Variants in RRBP1 observed in about 807,000 individuals in gnomAD.
RRBP1 encodes ribosome-binding protein 1.
A neutral mutation model predicts 165.2 loss-of-function variants in RRBP1; 94 were observed. The observed-to-expected ratio is 0.57, with a 90% confidence interval of 0.48 to 0.68. RRBP1 has a LOEUF of 0.68. Among genes scored for constraint, RRBP1 ranks in the 30% least tolerant of loss-of-function variants. The probability of loss-of-function intolerance (pLI) is 0.00; values close to 1 mark genes in which losing one functional copy is unlikely to be tolerated. For synonymous variants in RRBP1, 680 were observed against 714.5 expected, an observed-to-expected ratio of 0.95 and a Z score of 0.77; for missense variants, 1,676 against 1,763.0, an observed-to-expected ratio of 0.95 and a Z score of 0.88.
chr20:17,664,956 AAAT>A (rs2036840425), intron 2 of RRBP1, among the ~76,000 whole-genome samples: 2 of 152,228 alleles, frequency 1.3e-5, no homozygotes, highest in African/African-American at 4.8e-5. Context: ...CTAATTTTTA[AAAT>A]ATTATGAAAT....
intron 8 of RRBP1, among the ~76,000 whole-genome samples, chr20:17,632,526 T>G (rs987225808): frequency 6.6e-6 from 1 of 152,214 alleles, no homozygotes; most frequent in African/African-American, 2.4e-5. Flanking sequence ...TTGTCCATGT[T>G]CTCTTTTAGT....
intron 5 of RRBP1, 24 bp downstream of exon 5, chr20:17,641,773 T>C (rs767511873): frequency 1.2e-6 from 2 of 1,610,332 alleles, no homozygotes; most frequent in Non-Finnish European, 1.7e-6. Context: ...GGACAAACCA[T>C]CTCCGAGCCC....
rs995332528 is a variant in RRBP1 at position 17,681,237 on chromosome 20, CGCCGGGAGCCCT to C, written c.-99+779_-99+790del. 8.1e-5 allele frequency among the ~76,000 whole-genome samples: 12 copies of C among 148,648 alleles called. No homozygotes were observed. The East Asian group carries it at 2.2e-3, about 27-fold the overall frequency. On this transcript the variant is annotated intron_variant, in intron 1 of 24. Transcript: ENST00000377813. The stretch of plus-strand genomic sequence containing the variant: ...CGGGCCCCGGGCGCCCTCGTCCCCC[CGCCGGGAGCCCT>C]CGAGCCAGGCTCCGCGCAGCCCAGC...
At chr20:17,648,743 T>C (rs1050630723) in intron 3 of RRBP1, among the ~76,000 whole-genome samples, 14 of 152,170 alleles carry the variant, frequency 9.2e-5, no homozygotes, top group African/African-American at 3.4e-4. Context: ...TCCTCCAAAT[T>C]TCAACAAAAC....
Position 17,628,536 on chromosome 20 carries a change from G to A in RRBP1, c.2750-854C>T, listed in dbSNP as rs8116953. ...CCACCTGGTGTCAGTGTCCAGAAGC[G>A]CACATGAGACGACTTCATCTCCTGC... is the stretch of plus-strand genomic sequence containing the variant. On this transcript the variant is annotated intron_variant, in intron 9 of 24. Transcript: ENST00000377813. Among the ~76,000 whole-genome samples, 314 of 152,290 alleles carry A rather than the reference G, an allele frequency of 2.1e-3. 6 individuals are homozygous for A. In the East Asian group the frequency reaches 0.045, roughly 22 times the overall value.
At chr20:17,630,352 T>C (rs955790733) in intron 8 of RRBP1, among the ~76,000 whole-genome samples, 2 of 152,226 alleles carry the variant, frequency 1.3e-5, no homozygotes, top group Non-Finnish European at 2.9e-5. Context: ...GTCTCCCACC[T>C]GCAGCTCCAC....
intron 3 of RRBP1, among the ~76,000 whole-genome samples, chr20:17,651,214 G>GTTA (rs1358502964): frequency 6.6e-6 from 1 of 152,198 alleles, no homozygotes; most frequent in Non-Finnish European, 1.5e-5. Flanking sequence ...ACTTCCTGAA[G>GTTA]TTAGAATCAT....
At chr20:17,632,612 C>T (rs770953738) in intron 8 of RRBP1, among the ~76,000 whole-genome samples, 10 of 152,232 alleles carry the variant, frequency 6.6e-5, no homozygotes, top group Non-Finnish European at 1.3e-4. Context: ...AATGCCCCCA[C>T]GCACTACAGC....
chr20:17,631,256 C>T (rs2036146237), intron 8 of RRBP1, among the ~76,000 whole-genome samples: 1 of 152,240 alleles, frequency 6.6e-6, no homozygotes, highest in African/African-American at 2.4e-5. Flanking sequence ...CTGCCTCGAC[C>T]AGGATACATA....
chr20:17,630,485 A>T (rs1568762060), intron 8 of RRBP1, among the ~76,000 whole-genome samples: 1 of 152,200 alleles, frequency 6.6e-6, no homozygotes, highest in Non-Finnish European at 1.5e-5. Flanking sequence ...ACCTACAAAA[A>T]TGGCAATTTC....
At position 17,659,735 on chromosome 20, in the gene RRBP1, T is replaced by C; in HGVS notation, c.773A>G (p.Gln258Arg). ...QGKKAEGTPNQGKKAEGAQNQ... is the reference protein window; with the variant it reads ...QGKKAEGTPNRGKKAEGAQNQ... ...CTGGGCCCCCTCCGCCTTTTTGCCT[T>C]GGTTTGGGGTTCCTTCTGCCTTTTT... Residue 258 changes from glutamine to arginine, a missense_variant, in exon 3 of 25, where the codon CAA (glutamine) becomes CGA (arginine). By Grantham distance (43) the Gln-to-Arg change is conservative. Transcript: ENST00000377813. 1 of 1,550,658 alleles carries C rather than the reference T, an allele frequency of 6.4e-7. No individual in the cohort carries two copies. Among genetic ancestry groups the C allele is most frequent in the Non-Finnish European group, 8.7e-7 (1 of 1,147,010 alleles).
At chr20:17,636,809 C>T (rs1459644673) in intron 5 of RRBP1, 80 bp from the exon 6 acceptor site, 10 of 1,559,078 alleles carry the variant, frequency 6.4e-6, no homozygotes, top group African/African-American at 5.4e-5. Context: ...GAGCATCACC[C>T]GAGCTGGGAG....
intron 6 of RRBP1, among the ~76,000 whole-genome samples, chr20:17,636,159 G>A (rs1317736819): frequency 1.3e-5 from 2 of 152,226 alleles, no homozygotes; most frequent in Non-Finnish European, 2.9e-5. Flanking sequence ...CCCAGTGCTG[G>A]CCGCTGGAGC....
At chr20:17,665,794 T>C (rs893753774) in intron 2 of RRBP1, among the ~76,000 whole-genome samples, 6 of 152,176 alleles carry the variant, frequency 3.9e-5, no homozygotes, top group Non-Finnish European at 7.3e-5. Flanking sequence ...CAGAAGTCAT[T>C]TTACTGTTTA....
At chr20:17,628,044 G>A (rs1483753419) in intron 9 of RRBP1, among the ~76,000 whole-genome samples, 1 of 152,040 alleles carries the variant, frequency 6.6e-6, no homozygotes, top group East Asian at 1.9e-4. Context: ...GTGGCTAGGT[G>A]GACCCCACTG....
intron 18 of RRBP1, 139 bp from the exon 19 acceptor site, chr20:17,619,867 G>A (rs1231835306): frequency 2.0e-5 from 12 of 586,862 alleles, no homozygotes; most frequent in Admixed American, 7.0e-5. Context: ...CCAAGCAAAC[G>A]AGAAACTAGT....
At position 17,660,293 on chromosome 20, in the gene RRBP1, G is replaced by T; in HGVS notation, c.215C>A (p.Thr72Asn). The change falls in exon 3 of 25, where the codon ACC becomes AAC. Residue 72 changes from threonine (T) to asparagine (N), a missense_variant. Coordinates refer to ENST00000377813, the MANE Select transcript of RRBP1 (RefSeq NM_001365613.2). ...ATTAGGTTTCTCTTCCTTTTTCTTGGTCTTTCCTTTCTTCTCCACTGTTTT... is the reference window on the plus strand; with the variant it reads ...ATTAGGTTTCTCTTCCTTTTTCTTGTTCTTTCCTTTCTTCTCCACTGTTTT... ...KEKTVEKKGK[T>N]KKKEEKPNGK... The T allele has an allele frequency of 6.2e-7, 1 of 1,606,956 alleles. No homozygotes were observed. Among genetic ancestry groups the T allele is most frequent in the Non-Finnish European group, 8.5e-7 (1 of 1,175,932 alleles).
rs766428019 is a variant in RRBP1 at position 17,629,977 on chromosome 20, G to A, written c.2611-16C>T. The A allele has an allele frequency of 1.3e-6, 2 of 1,589,926 alleles. No homozygotes were observed. The highest frequency in any genetic ancestry group is 3.4e-5 in the Admixed American group (2 of 59,614). On this transcript the variant is annotated splice_polypyrimidine_tract_variant and intron_variant, in intron 8 of 24. Coordinates refer to ENST00000377813, the MANE Select transcript of RRBP1 (RefSeq NM_001365613.2). Reference sequence around the variant, plus strand: ...TGTGGGACGCCTGGGGACGGGCAGGGGAGTGGGGCAGTGAAGACGTGGAAG... The same window carrying A: ...TGTGGGACGCCTGGGGACGGGCAGGAGAGTGGGGCAGTGAAGACGTGGAAG...
rs566098133 is a variant in RRBP1 at position 17,616,757 on chromosome 20, G to C, written c.3842C>G (p.Pro1281Arg). The change falls in exon 21 of 25, where the codon CCC (proline) becomes CGC (arginine). Residue 1281 changes from proline to arginine, a missense_variant. By Grantham distance (103) the Pro-to-Arg change is moderately radical. Around this residue, in one of 5 missense-constraint regions of RRBP1, gnomAD observed 1,184 missense variants for 1,167.1 expected, o/e 1.01. Transcript: ENST00000377813. ...CTGAACGGGGTCCTGCTCGGCTGGGGGCGCCTCTGGGGAGGAAGCTGGGGC... is the reference window on the plus strand; with the variant it reads ...CTGAACGGGGTCCTGCTCGGCTGGGCGCGCCTCTGGGGAGGAAGCTGGGGC... Reference protein sequence around the residue: ...AGAPASSPEAPPAEQDPVQLK... With the variant: ...AGAPASSPEARPAEQDPVQLK... 1 of 1,611,774 alleles carries C rather than the reference G, an allele frequency of 6.2e-7. No homozygotes were observed. The highest frequency in any genetic ancestry group is 8.5e-7 in the Non-Finnish European group (1 of 1,179,228).
Sources: gnomAD v4.1 joint callset for allele counts (sites outside exome capture counted in the v4.1 genomes callset) on GRCh38, gnomAD v4.1.1 for gene constraint, gnomAD v4.1.1 regional missense constraint, MANE v1.5 for transcripts, NCBI Gene and HGNC (gene_info 2026-07-23, HGNC 2026-07-21) for gene names.